The following PALLD variants were observed in gnomAD, a reference collection of about 807,000 sequenced individuals.
The protein encoded by PALLD is palladin, cytoskeletal associated protein.
PALLD carries 61 observed loss-of-function variants against 123.5 expected under a neutral mutation model. The ratio of observed to expected loss-of-function variants is 0.49; its 90% CI spans 0.40 to 0.61. The LOEUF (loss-of-function observed/expected upper bound fraction) is 0.61. PALLD is among the 20% of genes least tolerant of loss of function. The pLI is 0.00. For synonymous variants in PALLD, 465 were observed against 496.4 expected, an observed-to-expected ratio of 0.94 and a Z score of 0.84; for missense variants, 1,273 against 1,377.0, an observed-to-expected ratio of 0.92 and a Z score of 1.20.
At position 168,743,371 on chromosome 4, in the gene PALLD, C is replaced by T; in HGVS notation, c.1964+31448C>T. Among the ~76,000 whole-genome samples, 2 of 152,096 alleles carry T rather than the reference C, an allele frequency of 1.3e-5. 1 individual carries two copies. Among genetic ancestry groups the T allele is most frequent in the Non-Finnish European group, 2.9e-5 (2 of 68,020 alleles). ...ATGGTTTAATCCCCAGCAACTAGCA[C>T]AGTGTCTAAGACAGAAACTTAATAT... On this transcript the variant is annotated intron_variant, in intron 10 of 21. Transcript: ENST00000505667.
chr4:168,512,526 T>A, intron 2 of PALLD, 114 bp downstream of exon 2: 1 of 1,002,852 alleles, frequency 1.0e-6, no homozygotes, highest in Non-Finnish European at 1.5e-6. Flanking sequence ...TGAGGTAGAG[T>A]ACTTGCAAGG....
At chr4:168,538,778 T>G (rs1765327166) in intron 2 of PALLD, among the ~76,000 whole-genome samples, 1 of 152,274 alleles carries the variant, frequency 6.6e-6, no homozygotes, top group African/African-American at 2.4e-5. Flanking sequence ...AAAAATAAAT[T>G]ACAGGCAAGC....
At chr4:168,505,489 T>C (rs980890890) in intron 1 of PALLD, among the ~76,000 whole-genome samples, 10 of 152,238 alleles carry the variant, frequency 6.6e-5, no homozygotes, top group Non-Finnish European at 1.5e-5. Context: ...AAAAAGCAAT[T>C]GAATTAATAG....
chr4:168,677,309 C>T (rs1780959026), intron 3 of PALLD, among the ~76,000 whole-genome samples: 2 of 151,832 alleles, frequency 1.3e-5, no homozygotes, highest in African/African-American at 4.8e-5. Flanking sequence ...ATTTGATCTG[C>T]CCCCGTCTCC....
chr4:168,894,852 T>C (rs946730991), intron 12 of PALLD, 175 bp downstream of exon 12: 66 of 978,086 alleles, frequency 6.7e-5, no homozygotes, highest in Non-Finnish European at 4.9e-5. Flanking sequence ...GCACATACTA[T>C]GTTAAGTGAC....
At chr4:168,722,839 A>G (rs552391905) in intron 10 of PALLD, among the ~76,000 whole-genome samples, 9 of 152,222 alleles carry the variant, frequency 5.9e-5, no homozygotes, top group South Asian at 2.1e-4. Context: ...TGAGATTATC[A>G]GCCAAGCCGT....
chr4:168,818,243 C>A (rs1049229633), intron 10 of PALLD, among the ~76,000 whole-genome samples: 1 of 152,000 alleles, frequency 6.6e-6, no homozygotes, highest in Non-Finnish European at 1.5e-5. Flanking sequence ...AAGCTCCATC[C>A]TACCAATGCT....
At chr4:168,863,245 A>G (rs936568668) in intron 10 of PALLD, among the ~76,000 whole-genome samples, 54 of 152,150 alleles carry the variant, frequency 3.5e-4, no homozygotes, top group African/African-American at 1.3e-3. Context: ...ACTGGGGAGA[A>G]CTCAGAGAAG....
chr4:168,671,565 T>C (rs925545267), intron 3 of PALLD, among the ~76,000 whole-genome samples: 2 of 152,210 alleles, frequency 1.3e-5, no homozygotes, highest in Non-Finnish European at 2.9e-5. Flanking sequence ...GAAGATTCAG[T>C]CTGCTAAGCC....
intron 2 of PALLD, among the ~76,000 whole-genome samples, chr4:168,606,979 G>A (rs11737280): frequency 0.047 from 7,210 of 152,200 alleles, 563 homozygotes; most frequent in African/African-American, 0.16. Context: ...AAGATAGGCC[G>A]GCCATTTTTC....
chr4:168,542,259 C>G (rs571507005), intron 2 of PALLD, among the ~76,000 whole-genome samples: 1 of 151,902 alleles, frequency 6.6e-6, no homozygotes, highest in East Asian at 1.9e-4. Flanking sequence ...TAACTAAAAC[C>G]GCCACTCATG....
chr4:168,648,350 G>C (rs1233837576), intron 2 of PALLD: 1 of 152,102 alleles, frequency 6.6e-6, no homozygotes, highest in Non-Finnish European at 1.5e-5. Context: ...GAAATCTATG[G>C]CATAATGAAG....
At chr4:168,554,446 A>G (rs1343045285) in intron 2 of PALLD, among the ~76,000 whole-genome samples, 3 of 152,230 alleles carry the variant, frequency 2.0e-5, no homozygotes, top group Non-Finnish European at 4.4e-5. Context: ...TTGTAGAACC[A>G]TAAAACTACA....
rs542455053 is a variant in PALLD at position 168,749,371 on chromosome 4, T to G, written c.1964+37448T>G. On this transcript the variant is annotated intron_variant, in intron 10 of 21. Transcript: ENST00000505667. ...AAGAACGGCCTAACACACTACATAATGTAACTAATTGAGTGAGTGACTTCC... is the reference window on the plus strand; with the variant it reads ...AAGAACGGCCTAACACACTACATAAGGTAACTAATTGAGTGAGTGACTTCC... Among the ~76,000 whole-genome samples the G allele has an allele frequency of 6.0e-5, 9 of 150,626 alleles. No individual in the cohort carries two copies. In the South Asian group the frequency reaches 1.5e-3, roughly 25 times the overall value.
At chr4:168,592,108 C>T (rs570338149) in intron 2 of PALLD, among the ~76,000 whole-genome samples, 3 of 151,718 alleles carry the variant, frequency 2.0e-5, no homozygotes, top group Non-Finnish European at 1.5e-5. Context: ...CCTCCACCTC[C>T]GAGGTTCAAG....
intron 5 of PALLD, among the ~76,000 whole-genome samples, chr4:168,683,583 G>A (rs1781757034): frequency 6.6e-6 from 1 of 152,008 alleles, no homozygotes; most frequent in Admixed American, 6.6e-5. Flanking sequence ...TTTATTGTAA[G>A]ACTGCTATAG....
intron 2 of PALLD, among the ~76,000 whole-genome samples, chr4:168,587,626 A>G (rs776528708): frequency 4.2e-4 from 64 of 152,226 alleles, no homozygotes; most frequent in Admixed American, 1.0e-3. Flanking sequence ...TGCCTTGTGC[A>G]TGGCTAAGGT....
rs182431072 is a variant in PALLD at position 168,696,001 on chromosome 4, A to G, written c.1501+4709A>G. Among the ~76,000 whole-genome samples, 438 of 152,242 alleles carry G rather than the reference A, an allele frequency of 2.9e-3. 1 individual carries two copies. Among genetic ancestry groups the G allele is most frequent in the South Asian group, 7.7e-3 (37 of 4,816 alleles). ...TGGAAGAAGAATTACCTGGGGTCAC[A>G]TATAAAATACACTAACACTAATCAT... On this transcript the variant is annotated intron_variant, in intron 8 of 21. Coordinates refer to ENST00000505667, the MANE Select transcript of PALLD (RefSeq NM_001166108.2).
chr4:168,925,274 C>CCCAA lies in PALLD; in HGVS notation c.*29_*32dup, dbSNP rs1560938615. ...GTGAACCACACCAGGAGAACAAATA[C>CCCAA]CCAAGTATCATTCAGGAACTTTGAA... On this transcript the variant is annotated 3_prime_UTR_variant, in exon 21 of 22. Transcript: ENST00000505667. 3.1e-6 allele frequency: 5 copies of CCCAA among 1,601,954 alleles called. No homozygotes were observed. Among genetic ancestry groups the CCCAA allele is most frequent in the Non-Finnish European group, 4.3e-6 (5 of 1,169,038 alleles).
Sources: allele counts gnomAD v4.1 joint callset (sites outside exome capture counted in the v4.1 genomes callset), GRCh38; gene constraint gnomAD v4.1.1; transcripts MANE v1.5; gene names NCBI Gene and HGNC (gene_info 2026-07-23, HGNC 2026-07-21).